Variants in MTDH observed in about 807,000 individuals in gnomAD.
The protein encoded by MTDH is protein LYRIC.
MTDH carries 34 observed loss-of-function variants against 72.7 expected under a neutral mutation model. The observed-to-expected ratio is 0.47, with a 90% CI of 0.36 to 0.62. MTDH has a LOEUF of 0.62. Ranked by LOEUF, MTDH falls within the 20% of genes least tolerant of loss-of-function variation. MTDH has a pLI of 0.00. For missense variants in MTDH, 677 were observed against 699.4 expected, an observed-to-expected ratio of 0.97 and a Z score of 0.36; for synonymous variants, 266 against 268.9, an observed-to-expected ratio of 0.99 and a Z score of 0.10.
chr8:97,706,301 A>G (rs1392426860), intron 7 of MTDH: 1 of 163,078 alleles, frequency 6.1e-6, no homozygotes. Context: ...GGAGAAAACA[A>G]CCAGGTCCTA....
At chr8:97,675,995 A>G (rs974401716) in intron 2 of MTDH, among the ~76,000 whole-genome samples, 1 of 148,170 alleles carries the variant, frequency 6.7e-6, no homozygotes, top group African/African-American at 2.5e-5. Context: ...GGCTGAGTGC[A>G]GTGGTACAAT....
At chr8:97,710,548 T>C (rs1296438263) in intron 8 of MTDH, among the ~76,000 whole-genome samples, 2 of 146,644 alleles carry the variant, frequency 1.4e-5, no homozygotes, top group East Asian at 2.0e-4. Context: ...AAAAAAAAAA[T>C]TTAGCTGGAT....
At chr8:97,708,512 G>A (rs7813419) in intron 8 of MTDH, among the ~76,000 whole-genome samples, 1 of 109,956 alleles carries the variant, frequency 9.1e-6, no homozygotes, top group East Asian at 2.6e-4. Context: ...AAACTCCTGA[G>A]CTCAAGTGAT....
rs1472843633 is a variant in MTDH at position 97,725,372 on chromosome 8, A to G, written c.*702A>G. ...TATTTTAAATTAAGAAAAGTGAACT[A>G]TATGTATTTGTTTTATACATTTAAG... On this transcript the variant is annotated 3_prime_UTR_variant, in exon 12 of 12. Transcript: ENST00000336273. 2.0e-5 allele frequency: 3 copies of G among 152,606 alleles called. No individual in the cohort carries two copies. The highest frequency in any genetic ancestry group is 4.4e-5 in the Non-Finnish European group (3 of 68,036). 9.5% of individuals were successfully genotyped at this position (152,606 alleles called of 1,614,324 possible).
chr8:97,706,750 G>A lies in MTDH; in HGVS notation c.1272G>A (p.Lys424=). 1 of 1,612,700 alleles carries A rather than the reference G, an allele frequency of 6.2e-7. No individual in the cohort carries two copies. Among genetic ancestry groups the A allele is most frequent in the South Asian group, 1.1e-5 (1 of 90,866 alleles). ...AGGAACCAATTCCTGATGATCAAAAGGTGAGTATAAGAGATTCCTGGGTGT... is the reference window on the plus strand; with the variant it reads ...AGGAACCAATTCCTGATGATCAAAAAGTGAGTATAAGAGATTCCTGGGTGT... ...KSQEPIPDDQ[K]VSDDDKEKGE... The change falls in exon 8 of 12, where the codon AAG becomes AAA. Residue 424 remains lysine (K), a splice_region_variant and synonymous_variant. Transcript: ENST00000336273.
intron 5 of MTDH, among the ~76,000 whole-genome samples, chr8:97,690,453 T>C (rs1586250118): frequency 6.6e-6 from 1 of 152,230 alleles, no homozygotes; most frequent in African/African-American, 2.4e-5. Context: ...CACACACCTA[T>C]GTGTATTTGT....
At chr8:97,716,248 T>C (rs1055945659) in intron 9 of MTDH, among the ~76,000 whole-genome samples, 1 of 151,720 alleles carries the variant, frequency 6.6e-6, no homozygotes, top group Non-Finnish European at 1.5e-5. Context: ...TAACCGGGCA[T>C]GGTTGCATGC....
chr8:97,713,010 C>T (rs1164369935), intron 8 of MTDH, among the ~76,000 whole-genome samples: 2 of 152,142 alleles, frequency 1.3e-5, no homozygotes, highest in Non-Finnish European at 2.9e-5. Flanking sequence ...TAAATTTTAA[C>T]GCAAATTGCA....
chr8:97,669,560 C>A lies in MTDH; in HGVS notation c.483+8387C>A, dbSNP rs928776085. On this transcript the variant is annotated intron_variant, in intron 2 of 11. Transcript: ENST00000336273. The stretch of plus-strand genomic sequence containing the variant: ...CCACTTATCCCCAGTCCCCCTGCAA[C>A]TACTAATTTCTGCTATAATATCAAG... Among the ~76,000 whole-genome samples the A allele has an allele frequency of 2.0e-5, 3 of 150,164 alleles. No individual in the cohort carries two copies. In the Admixed American group the frequency reaches 2.0e-4, roughly 10 times the overall value.
At chr8:97,706,479 AT>A (rs200596685) in intron 7 of MTDH, 146 bp from the exon 8 acceptor site, 92 of 571,858 alleles carry the variant, frequency 1.6e-4, no homozygotes, top group South Asian at 2.3e-4. Flanking sequence ...CCTTCATGTT[AT>A]TTTTTTTTCT....
At chr8:97,678,537 A>ATTTTTTC (rs1812942319) in intron 2 of MTDH, among the ~76,000 whole-genome samples, 1 of 144,288 alleles carries the variant, frequency 6.9e-6, no homozygotes. Flanking sequence ...CGAGTCATAC[A>ATTTTTTC]TTTTTTCTCC....
chr8:97,714,664 G>GT (rs368170751), intron 9 of MTDH, among the ~76,000 whole-genome samples: 1 of 151,854 alleles, frequency 6.6e-6, no homozygotes, highest in African/African-American at 2.4e-5. Flanking sequence ...ACATGCATAG[G>GT]TTTTTTTAAA....
intron 2 of MTDH, among the ~76,000 whole-genome samples, chr8:97,662,560 TG>T (rs1563527003): frequency 6.6e-6 from 1 of 150,906 alleles, no homozygotes; most frequent in Non-Finnish European, 1.5e-5. Flanking sequence ...CCAAGGCAGG[TG>T]GATCGCCTGA....
intron 7 of MTDH, among the ~76,000 whole-genome samples, chr8:97,704,092 C>T (rs1246315129): frequency 1.3e-5 from 2 of 152,192 alleles, no homozygotes; most frequent in African/African-American, 4.8e-5. Context: ...ACACATTTCA[C>T]ACTTGTAATC....
At chr8:97,688,975 C>A in intron 4 of MTDH, 63 bp from the exon 5 acceptor site, 1 of 741,218 alleles carries the variant, frequency 1.3e-6, no homozygotes, top group South Asian at 2.6e-5. Flanking sequence ...ATGTGTTACT[C>A]CTAATTTAAT....
intron 8 of MTDH, among the ~76,000 whole-genome samples, chr8:97,712,571 A>AACAT (rs1387842878): frequency 6.6e-6 from 1 of 152,176 alleles, no homozygotes; most frequent in Non-Finnish European, 1.5e-5. Context: ...TCTCTGTCTA[A>AACAT]ACATAAGCTT....
intron 7 of MTDH, 26 bp from the exon 8 acceptor site, chr8:97,706,600 G>A (rs747014706): frequency 1.2e-5 from 18 of 1,499,356 alleles, no homozygotes; most frequent in Middle Eastern, 1.8e-4. Flanking sequence ...AATGATAGAC[G>A]CCTAATTCAC....
intron 1 of MTDH, among the ~76,000 whole-genome samples, chr8:97,655,874 T>C (rs1811951883): frequency 6.6e-6 from 1 of 152,234 alleles, no homozygotes; most frequent in South Asian, 2.1e-4. Flanking sequence ...CTTGGTGTAA[T>C]TCAAATGTAA....
At chr8:97,644,972 G>A in intron 1 of MTDH, 85 bp downstream of exon 1, 3 of 1,425,092 alleles carry the variant, frequency 2.1e-6, no homozygotes, top group Non-Finnish European at 2.8e-6. Context: ...CGCCCCAGCC[G>A]GGAAGGAAAA....
Sources: gnomAD v4.1 joint callset for allele counts (sites outside exome capture counted in the v4.1 genomes callset) on GRCh38, gnomAD v4.1.1 for gene constraint, MANE v1.5 for transcripts, NCBI Gene and HGNC (gene_info 2026-07-23, HGNC 2026-07-21) for gene names.